Variants in TENM2 observed in about 807,000 individuals in gnomAD.
The protein encoded by TENM2 is teneurin-2.
In TENM2, 52 loss-of-function variants were observed where a neutral mutation model predicts 245.2. That is an observed-to-expected ratio of 0.21 (90% CI 0.17 to 0.27). TENM2 has a LOEUF of 0.27. Among genes scored for constraint, TENM2 ranks in the 10% least tolerant of loss-of-function variants. TENM2 has a pLI of 1.00. For missense variants in TENM2, 3,046 were observed against 3,666.8 expected (o/e 0.83, Z 4.37); for synonymous variants, 1,363 against 1,438.9 (o/e 0.95, Z 1.19).
At chr5:167,318,218 A>G (rs1167054743) in intron 1 of TENM2, among the ~76,000 whole-genome samples, 1 of 152,200 alleles carries the variant, frequency 6.6e-6, no homozygotes, top group African/African-American at 2.4e-5. Flanking sequence ...CAGTAAAGCC[A>G]TGTTGCAGTG....
At chr5:167,833,298 G>A (rs1768677797) in intron 2 of TENM2, among the ~76,000 whole-genome samples, 1 of 152,230 alleles carries the variant, frequency 6.6e-6, no homozygotes, top group East Asian at 1.9e-4. Context: ...TACTTTAGGA[G>A]TCAGTTACAA....
At chr5:167,373,264 A>G (rs1302700232) in intron 1 of TENM2, among the ~76,000 whole-genome samples, 3 of 152,228 alleles carry the variant, frequency 2.0e-5, no homozygotes, top group Non-Finnish European at 4.4e-5. Context: ...TTAAAGTCCC[A>G]CTAGGTTAAT....
intron 2 of TENM2, among the ~76,000 whole-genome samples, chr5:167,527,624 C>A (rs1302789585): frequency 6.6e-6 from 1 of 152,102 alleles, no homozygotes; most frequent in Non-Finnish European, 1.5e-5. Context: ...TTCTTATTCA[C>A]CTGTGATCTC....
chr5:167,678,171 T>A, intron 2 of TENM2, among the ~76,000 whole-genome samples: 1 of 152,144 alleles, frequency 6.6e-6, no homozygotes, highest in East Asian at 1.9e-4. Context: ...TGTCTCTAGA[T>A]AATGGAATTA....
chr5:167,689,168 C>T (rs529240357), intron 2 of TENM2, among the ~76,000 whole-genome samples: 32 of 152,026 alleles, frequency 2.1e-4, no homozygotes, highest in African/African-American at 3.4e-4. Context: ...CAGGAGAAGG[C>T]GAGAACAGCC....
At chr5:168,093,195 T>C (rs1418269780) in intron 8 of TENM2, among the ~76,000 whole-genome samples, 1 of 152,188 alleles carries the variant, frequency 6.6e-6, no homozygotes, top group Non-Finnish European at 1.5e-5. Context: ...ACAACTTCTG[T>C]CCTCCTTTTC....
At chr5:167,049,334 A>G in the TENM2 span, among the ~76,000 whole-genome samples, 3 of 152,298 alleles carry the variant, frequency 2.0e-5, no homozygotes, top group South Asian at 6.2e-4. Flanking sequence ...TTATTTGTGG[A>G]GCATTCAGGG....
intron 22 of TENM2, among the ~76,000 whole-genome samples, chr5:168,217,790 C>T (rs1763329710): frequency 6.6e-6 from 1 of 152,138 alleles, no homozygotes; most frequent in Non-Finnish European, 1.5e-5. Context: ...GGCATGGTCT[C>T]TTGTGCAGTG....
At chr5:167,873,069 C>G (rs1028068072) in intron 2 of TENM2, among the ~76,000 whole-genome samples, 2 of 152,196 alleles carry the variant, frequency 1.3e-5, no homozygotes, top group Admixed American at 1.3e-4. Flanking sequence ...CTGTTCCTAC[C>G]AGAGCCTCGC....
the TENM2 span, among the ~76,000 whole-genome samples, chr5:167,098,499 T>C: frequency 2.0e-5 from 3 of 152,194 alleles, no homozygotes; most frequent in East Asian, 3.9e-4. Context: ...CTTCTGCTTC[T>C]GATGCTTCCC....
chr5:168,235,810 G>GAAA (rs3083562), intron 25 of TENM2, among the ~76,000 whole-genome samples: 70 of 149,548 alleles, frequency 4.7e-4, no homozygotes, highest in East Asian at 1.2e-3. Flanking sequence ...CTGCCTCAAA[G>GAAA]AAAAAAAAAA....
chr5:168,218,672 A>G lies in TENM2; in HGVS notation c.4781A>G (p.Tyr1594Cys). Residue 1594 changes from tyrosine (Y) to cysteine (C), a missense_variant, in exon 23 of 29, where the codon TAT (tyrosine) becomes TGT (cysteine). This residue lies in a region of TENM2 where 2,704 missense variants were observed against 3,331.9 expected (regional missense o/e 0.81). Transcript: ENST00000518659. The surrounding 1 kb of genome is among the most constrained non-coding windows in gnomAD (Gnocchi z 5.2). ...GCATCCCCCGGAGAGCAGGAGTTAT[A>G]TGTTTTCAACGCTGATGGCATCCAC... 2.5e-6 allele frequency: 4 copies of G among 1,614,012 alleles called. No individual in the cohort carries two copies. Among genetic ancestry groups the G allele is most frequent in the Non-Finnish European group, 3.4e-6 (4 of 1,179,892 alleles).
intron 7 of TENM2, among the ~76,000 whole-genome samples, chr5:168,086,719 G>A (rs1792491091): frequency 6.6e-6 from 1 of 152,214 alleles, no homozygotes; most frequent in African/African-American, 2.4e-5. Flanking sequence ...ACGAGGCACA[G>A]TTTGGTCTCC....
intron 13 of TENM2, among the ~76,000 whole-genome samples, chr5:168,172,247 G>A (rs78802734): frequency 0.02 from 3,086 of 152,296 alleles, 34 homozygotes; most frequent in Non-Finnish European, 0.033. Context: ...TGAGAAATCC[G>A]ATATAGACAT....
intron 2 of TENM2, among the ~76,000 whole-genome samples, chr5:167,388,521 G>C (rs114722384): frequency 0.011 from 1,634 of 151,216 alleles, 8 homozygotes; most frequent in East Asian, 0.015. Flanking sequence ...CTGTGATCTT[G>C]GGTTTTTTCT....
At chr5:167,427,081 A>G (rs1056658360) in intron 2 of TENM2, among the ~76,000 whole-genome samples, 2 of 152,210 alleles carry the variant, frequency 1.3e-5, no homozygotes, top group African/African-American at 2.4e-5. Context: ...AAAAGTAAAA[A>G]AAAGGATGAA....
chr5:167,867,884 G>A (rs952492016), intron 2 of TENM2, among the ~76,000 whole-genome samples: 7 of 152,178 alleles, frequency 4.6e-5, no homozygotes, highest in Admixed American at 1.3e-4. Flanking sequence ...GACTTGCTTT[G>A]AGGAAATTTT....
chr5:168,207,911 G>A (rs1272763372), intron 19 of TENM2, among the ~76,000 whole-genome samples: 1 of 152,120 alleles, frequency 6.6e-6, no homozygotes, highest in African/African-American at 2.4e-5. Flanking sequence ...CTTCTCTTAG[G>A]TAAAATGGTT....
At chr5:168,141,244 C>T (rs1755521316) in intron 12 of TENM2, among the ~76,000 whole-genome samples, 1 of 152,156 alleles carries the variant, frequency 6.6e-6, no homozygotes. Flanking sequence ...TTGCCTTGCT[C>T]TTCCTTCTAA....
Sources: allele counts gnomAD v4.1 joint callset (sites outside exome capture counted in the v4.1 genomes callset), GRCh38; gene constraint gnomAD v4.1.1; regional missense constraint gnomAD v4.1.1; non-coding constraint Gnocchi (gnomAD v3.1); transcripts MANE v1.5; gene names NCBI Gene and HGNC (gene_info 2026-07-23, HGNC 2026-07-21).